The following ASIC2 variants were observed in gnomAD, a reference collection of about 807,000 sequenced individuals.
ASIC2 encodes the protein acid-sensing ion channel 2.
Under a neutral mutation model 57.3 loss-of-function variants are expected in ASIC2, and 25 were observed. The observed-to-expected ratio is 0.44, with a 90% CI of 0.32 to 0.61. The LOEUF is 0.61. Ranked by LOEUF, ASIC2 falls within the 20% of genes least tolerant of loss-of-function variation. The probability of loss-of-function intolerance (pLI) is 0.06; values close to 1 mark genes in which losing one functional copy is unlikely to be tolerated. For synonymous variants in ASIC2, 319 were observed against 307.5 expected (o/e 1.04, Z -0.39); for missense variants, 641 against 738.1 (o/e 0.87, Z 1.52).
In ASIC2 at chr17:33,930,308, A is replaced by T. The variant is rs561617362; in HGVS notation, c.555+225670T>A. The stretch of plus-strand genomic sequence containing the variant: ...GTTTCATTTGGGCCTCAAAGGCCGT[A>T]TATTTGTAAGAAGAATGTCACTGTC... On this transcript the variant is annotated intron_variant, in intron 1 of 9. Coordinates refer to the ASIC2 transcript ENST00000359872. Among the ~76,000 whole-genome samples the T allele has an allele frequency of 2.6e-4, 39 of 152,336 alleles. No individual in the cohort carries two copies. In the East Asian group the frequency reaches 6.0e-3, roughly 23 times the overall value.
chr17:33,923,171 G>A (rs1488532879), intron 1 of ASIC2, among the ~76,000 whole-genome samples: 1 of 152,186 alleles, frequency 6.6e-6, no homozygotes, highest in Non-Finnish European at 1.5e-5. Context: ...AGCAGAAGAT[G>A]GAAAATGGGT....
rs73278420 is a variant in ASIC2 at position 33,999,955 on chromosome 17, C to A, written c.555+156023G>T. ...AAAGTGCTCTAGTGGTGATGATCTC[C>A]CACAGATTTTGTTTGTCTGTGGAAG... On this transcript the variant is annotated intron_variant, in intron 1 of 9. Transcript: ENST00000359872. Among the ~76,000 whole-genome samples the A allele has an allele frequency of 1.7e-3, 262 of 151,888 alleles. 1 individual carries two copies. Among genetic ancestry groups the A allele is most frequent in the African/African-American group, 6.0e-3 (248 of 41,398 alleles).
chr17:33,073,713 G>A (rs1405913509), intron 3 of ASIC2, among the ~76,000 whole-genome samples: 11 of 152,170 alleles, frequency 7.2e-5, no homozygotes, highest in Non-Finnish European at 1.5e-4. Flanking sequence ...AGATGTTTAT[G>A]GGAAACAATG....
intron 1 of ASIC2, among the ~76,000 whole-genome samples, chr17:34,088,351 C>T (rs966042570): frequency 1.2e-4 from 18 of 152,220 alleles, no homozygotes; most frequent in African/African-American, 4.1e-4. Flanking sequence ...GTTTGCAGAA[C>T]AGCGGTTTTT....
At chr17:34,094,846 A>C (rs949378595) in intron 1 of ASIC2, among the ~76,000 whole-genome samples, 16 of 152,248 alleles carry the variant, frequency 1.1e-4, no homozygotes, top group Non-Finnish European at 1.5e-4. Context: ...CCACAAATAC[A>C]GGGAATGAAA....
intron 1 of ASIC2, among the ~76,000 whole-genome samples, chr17:33,548,220 G>T (rs1915639984): frequency 6.6e-6 from 1 of 152,144 alleles, no homozygotes; most frequent in African/African-American, 2.4e-5. Flanking sequence ...AAGGAAAAGA[G>T]GTGCTTTCAT....
intron 1 of ASIC2, among the ~76,000 whole-genome samples, chr17:33,186,544 T>G (rs1196376759): frequency 6.6e-6 from 1 of 152,224 alleles, no homozygotes; most frequent in Non-Finnish European, 1.5e-5. Context: ...ATTTTCTTAT[T>G]TAAGCTCACA....
chr17:33,985,147 AT>A (rs996596111), intron 1 of ASIC2, among the ~76,000 whole-genome samples: 1 of 152,194 alleles, frequency 6.6e-6, no homozygotes, highest in African/African-American at 2.4e-5. Context: ...TATTAAAGGC[AT>A]GGAGGGATGT....
intron 1 of ASIC2, among the ~76,000 whole-genome samples, chr17:33,888,863 T>C (rs72818938): frequency 0.17 from 25,884 of 152,064 alleles, 2,334 homozygotes; most frequent in African/African-American, 0.24. Flanking sequence ...TTGGCTACTT[T>C]TGTGGTTCTC....
intron 3 of ASIC2, among the ~76,000 whole-genome samples, chr17:33,045,553 G>A (rs1389165915): frequency 6.6e-6 from 1 of 152,170 alleles, no homozygotes; most frequent in Non-Finnish European, 1.5e-5. Context: ...GGCTGGCCAG[G>A]CACTTTACCT....
intron 1 of ASIC2, among the ~76,000 whole-genome samples, chr17:34,151,903 T>A (rs1158897560): frequency 6.6e-6 from 1 of 152,132 alleles, no homozygotes; most frequent in Non-Finnish European, 1.5e-5. Context: ...GATGAGACAA[T>A]CAAGGTTAAG....
chr17:33,842,259 C>T (rs1035824396), intron 1 of ASIC2, among the ~76,000 whole-genome samples: 1 of 152,152 alleles, frequency 6.6e-6, no homozygotes, highest in Non-Finnish European at 1.5e-5. Context: ...CCCTGTACAG[C>T]CCATGTTCCA....
At chr17:34,139,305 A>C (rs1912207435) in intron 1 of ASIC2, among the ~76,000 whole-genome samples, 1 of 152,262 alleles carries the variant, frequency 6.6e-6, no homozygotes. Flanking sequence ...CTACTTTATG[A>C]AAAATACAGG....
At chr17:33,489,364 G>A (rs890606893) in intron 1 of ASIC2, among the ~76,000 whole-genome samples, 5 of 152,216 alleles carry the variant, frequency 3.3e-5, no homozygotes, top group Non-Finnish European at 1.5e-5. Context: ...AAGTGAAGGG[G>A]TATGTCCATA....
chr17:33,152,467 T>G (rs1904840534), intron 1 of ASIC2, among the ~76,000 whole-genome samples: 1 of 152,124 alleles, frequency 6.6e-6, no homozygotes, highest in Non-Finnish European at 1.5e-5. Flanking sequence ...ATGAAATGAT[T>G]CAGATAAACA....
chr17:33,350,874 A>T (rs1309948952), intron 1 of ASIC2, among the ~76,000 whole-genome samples: 3 of 152,118 alleles, frequency 2.0e-5, no homozygotes, highest in Admixed American at 6.5e-5. Flanking sequence ...GTATCAGTTT[A>T]AAAAAATCCC....
intron 1 of ASIC2, among the ~76,000 whole-genome samples, chr17:33,872,739 T>A (rs992568788): frequency 6.6e-6 from 1 of 152,108 alleles, no homozygotes; most frequent in South Asian, 2.1e-4. Flanking sequence ...TACATGCTGA[T>A]AAGGAGGAGA....
chr17:33,748,750 T>C (rs530531606), intron 1 of ASIC2, among the ~76,000 whole-genome samples: 26 of 152,328 alleles, frequency 1.7e-4, no homozygotes, highest in Admixed American at 7.2e-4. Flanking sequence ...ATGATAAATA[T>C]ATAAGGCTTC....
At chr17:33,742,230 T>C (rs1446766282) in intron 1 of ASIC2, among the ~76,000 whole-genome samples, 3 of 152,214 alleles carry the variant, frequency 2.0e-5, no homozygotes, top group Non-Finnish European at 4.4e-5. Flanking sequence ...CCCCATTTGT[T>C]TCCAGTGCTC....
Sources: gnomAD v4.1 joint callset for allele counts (sites outside exome capture counted in the v4.1 genomes callset) on GRCh38, gnomAD v4.1.1 for gene constraint, MANE v1.5 for transcripts, NCBI Gene and HGNC (gene_info 2026-07-23, HGNC 2026-07-21) for gene names.